Variants in GPM6A observed in about 807,000 individuals in gnomAD.
GPM6A encodes glycoprotein M6A.
In GPM6A, 7 loss-of-function variants were observed where a neutral mutation model predicts 32.1. The observed-to-expected ratio is 0.22, with a 90% CI of 0.12 to 0.41. The LOEUF (loss-of-function observed/expected upper bound fraction) is 0.41, where lower values mean the gene tolerates loss of function less well. Ranked by LOEUF, GPM6A falls within the 10% of genes least tolerant of loss-of-function variation. The pLI is 1.00. For missense variants in GPM6A, 235 were observed against 347.2 expected, an observed-to-expected ratio of 0.68 and a Z score of 2.57; for synonymous variants, 130 against 123.4, an observed-to-expected ratio of 1.05 and a Z score of -0.35.
intron 3 of GPM6A, among the ~76,000 whole-genome samples, chr4:175,670,913 G>C (rs1743024523): frequency 1.4e-5 from 2 of 146,448 alleles, no homozygotes; most frequent in Non-Finnish European, 3.0e-5. Flanking sequence ...GCCCAGGCTG[G>C]AGTGCAGTGG....
chr4:175,701,305 C>A (rs1042608839), intron 2 of GPM6A, among the ~76,000 whole-genome samples: 4 of 152,172 alleles, frequency 2.6e-5, no homozygotes, highest in Admixed American at 6.5e-5. Flanking sequence ...TCCCAGAATT[C>A]CACTTAATGG....
chr4:175,840,231 G>A (rs776706844), intron 1 of GPM6A, among the ~76,000 whole-genome samples: 31 of 152,106 alleles, frequency 2.0e-4, no homozygotes, highest in Non-Finnish European at 4.3e-4. Context: ...AAAATCTGGG[G>A]GTGATTTCAA....
At chr4:175,962,652 G>A (rs990772131) in intron 1 of GPM6A, among the ~76,000 whole-genome samples, 3 of 152,076 alleles carry the variant, frequency 2.0e-5, no homozygotes, top group Non-Finnish European at 4.4e-5. Flanking sequence ...TTTAGCCTAT[G>A]GCACCTACAG....
rs150872988 is a variant in GPM6A, at chr4:175,730,033, A to T, written c.38-28266T>A. The stretch of plus-strand genomic sequence containing the variant: ...TCATGCTGCCTTTCATGCATACCCA[A>T]CTTTCTCAACTGGATTTTCACATTG... On this transcript the variant is annotated intron_variant, in intron 1 of 6. Coordinates refer to ENST00000393658, the MANE Select transcript of GPM6A (RefSeq NM_201591.3). 9.4e-3 allele frequency among the ~76,000 whole-genome samples: 1,425 copies of T among 150,982 alleles called. 14 individuals are homozygous for T. Among genetic ancestry groups the T allele is most frequent in the Non-Finnish European group, 0.014 (962 of 67,792 alleles).
rs115707019 is a variant in GPM6A at position 175,724,843 on chromosome 4, G to C, written c.38-23076C>G. Among the ~76,000 whole-genome samples, 375 of 152,090 alleles carry C rather than the reference G, an allele frequency of 2.5e-3. 4 individuals carry two copies. Among genetic ancestry groups the C allele is most frequent in the African/African-American group, 8.7e-3 (361 of 41,498 alleles). On this transcript the variant is annotated intron_variant, in intron 1 of 6. Coordinates refer to ENST00000393658, the MANE Select transcript of GPM6A (RefSeq NM_201591.3). ...GATTGCCAAGACCGTGCATGATGTT[G>C]TCCCTCATAACTGCTCCGACCTCAC... is the stretch of plus-strand genomic sequence containing the variant.
At chr4:175,796,516 A>G (rs1421480453) in intron 1 of GPM6A, among the ~76,000 whole-genome samples, 2 of 152,168 alleles carry the variant, frequency 1.3e-5, no homozygotes, top group East Asian at 1.9e-4. Flanking sequence ...CACAACCAGT[A>G]TATAGCAGAG....
chr4:175,833,745 A>T (rs113034421), intron 1 of GPM6A, among the ~76,000 whole-genome samples: 1 of 152,178 alleles, frequency 6.6e-6, no homozygotes, highest in South Asian at 2.1e-4. Flanking sequence ...TTTCTGCCTA[A>T]CCACCAGTCA....
At chr4:175,931,686 ACACACAC>A (rs1739046197) in intron 1 of GPM6A, among the ~76,000 whole-genome samples, 2 of 147,528 alleles carry the variant, frequency 1.4e-5, no homozygotes, top group Admixed American at 6.8e-5. Context: ...ACACACACAC[ACACACAC>A]ACACACACAC....
chr4:175,786,307 T>G (rs1733796669), intron 1 of GPM6A, among the ~76,000 whole-genome samples: 1 of 151,556 alleles, frequency 6.6e-6, no homozygotes, highest in Non-Finnish European at 1.5e-5. Flanking sequence ...TTTTTTTTTT[T>G]TTGAAAAATG....
At chr4:175,898,429 G>A (rs866426725) in intron 1 of GPM6A, among the ~76,000 whole-genome samples, 2 of 152,054 alleles carry the variant, frequency 1.3e-5, no homozygotes, top group Admixed American at 1.3e-4. Context: ...TTTGTTTATG[G>A]TACATCTTTT....
chr4:175,637,745 A>AT (rs1433803056), intron 6 of GPM6A, among the ~76,000 whole-genome samples: 13 of 65,518 alleles, frequency 2.0e-4, no homozygotes, highest in African/African-American at 8.9e-4. Context: ...ATTATATAAA[A>AT]ATATAATATA....
intron 1 of GPM6A, among the ~76,000 whole-genome samples, chr4:175,910,580 G>T (rs1417763895): frequency 6.6e-6 from 1 of 152,116 alleles, no homozygotes; most frequent in East Asian, 1.9e-4. Context: ...TATAAAGCAG[G>T]TGTGCTCTTT....
chr4:175,772,030 A>G (rs1369708345), intron 1 of GPM6A, among the ~76,000 whole-genome samples: 1 of 152,204 alleles, frequency 6.6e-6, no homozygotes, highest in Non-Finnish European at 1.5e-5. Context: ...ATTTCTAGGA[A>G]TTGCCCCTTC....
chr4:175,773,154 T>C (rs1467317223), intron 1 of GPM6A, among the ~76,000 whole-genome samples: 1 of 152,248 alleles, frequency 6.6e-6, no homozygotes, highest in Non-Finnish European at 1.5e-5. Flanking sequence ...GTTGACAGGC[T>C]GCAGTGCATA....
intron 1 of GPM6A, among the ~76,000 whole-genome samples, chr4:175,945,269 GT>G (rs1739553267): frequency 6.6e-6 from 1 of 152,118 alleles, no homozygotes; most frequent in African/African-American, 2.4e-5. Flanking sequence ...TAGATAAGCT[GT>G]GTAATCTAAT....
At chr4:175,982,372 T>G (rs1740844892) in intron 1 of GPM6A, among the ~76,000 whole-genome samples, 2 of 152,166 alleles carry the variant, frequency 1.3e-5, no homozygotes, top group Admixed American at 1.3e-4. Flanking sequence ...CTTTGTAAGT[T>G]AATGTTTTAC....
intron 1 of GPM6A, among the ~76,000 whole-genome samples, chr4:175,836,347 A>G (rs187397216): frequency 2.0e-5 from 3 of 152,282 alleles, no homozygotes; most frequent in Admixed American, 2.0e-4. Context: ...GGTGTACCAC[A>G]TGTCAGAAAT....
At chr4:175,744,130 A>G (rs1384420952) in intron 1 of GPM6A, among the ~76,000 whole-genome samples, 1 of 152,110 alleles carries the variant, frequency 6.6e-6, no homozygotes, top group Non-Finnish European at 1.5e-5. Flanking sequence ...TAAGTAATAA[A>G]CAAATGTGAA....
At chr4:175,739,666 T>A (rs745508987) in intron 1 of GPM6A, among the ~76,000 whole-genome samples, 2 of 152,104 alleles carry the variant, frequency 1.3e-5, no homozygotes, top group Non-Finnish European at 2.9e-5. Flanking sequence ...TAAATTATTC[T>A]ATAATAGCAA....
Sources: gnomAD v4.1 joint callset for allele counts (sites outside exome capture counted in the v4.1 genomes callset) on GRCh38, gnomAD v4.1.1 for gene constraint, MANE v1.5 for transcripts, NCBI Gene and HGNC (gene_info 2026-07-23, HGNC 2026-07-21) for gene names.